DPP10: variants seen among roughly 807,000 people sequenced by gnomAD.
The protein encoded by DPP10 is inactive dipeptidyl peptidase 10.
Under a neutral mutation model 120.9 loss-of-function variants are expected in DPP10, and 33 were observed. The ratio of observed to expected loss-of-function variants is 0.27; its 90% CI spans 0.21 to 0.37. The LOEUF (loss-of-function observed/expected upper bound fraction) is 0.37. Ranked by LOEUF, DPP10 falls within the 10% of genes least tolerant of loss-of-function variation. The pLI is 1.00. For missense variants in DPP10, 816 were observed against 942.8 expected, an observed-to-expected ratio of 0.87 and a Z score of 1.76; for synonymous variants, 337 against 326.1, an observed-to-expected ratio of 1.03 and a Z score of -0.36.
At chr2:114,782,555 A>G (rs1235332632) in intron 1 of DPP10, among the ~76,000 whole-genome samples, 2 of 151,944 alleles carry the variant, frequency 1.3e-5, no homozygotes, top group East Asian at 1.9e-4. Context: ...ATATTGACCT[A>G]TTTCTGAGAA....
intron 5 of DPP10, among the ~76,000 whole-genome samples, chr2:115,528,979 T>A (rs907987096): frequency 6.6e-6 from 1 of 152,100 alleles, no homozygotes; most frequent in South Asian, 2.1e-4. Context: ...TTGACCTGGT[T>A]GTTTACTTGA....
intron 5 of DPP10, among the ~76,000 whole-genome samples, chr2:115,648,919 T>C (rs932912089): frequency 6.6e-6 from 1 of 151,760 alleles, no homozygotes; most frequent in Admixed American, 6.6e-5. Flanking sequence ...ATTAATGGAG[T>C]AGGGACACCA....
chr2:114,795,780 AG>A (rs1423459414), intron 1 of DPP10, among the ~76,000 whole-genome samples: 2 of 152,232 alleles, frequency 1.3e-5, no homozygotes, highest in African/African-American at 4.8e-5. Flanking sequence ...AAATGTATGT[AG>A]ATACTAGTCT....
At chr2:114,699,404 C>T (rs1172697995) in intron 1 of DPP10, among the ~76,000 whole-genome samples, 1 of 152,086 alleles carries the variant, frequency 6.6e-6, no homozygotes, top group Non-Finnish European at 1.5e-5. Flanking sequence ...ACTTAAGAGA[C>T]TTTCACTTGA....
intron 1 of DPP10, chr2:114,835,479 C>T (rs1008567026): frequency 8.5e-5 from 13 of 152,254 alleles, no homozygotes; most frequent in African/African-American, 1.4e-4. Flanking sequence ...TTTTCTATCA[C>T]GTTCGTTTTT....
At chr2:115,307,576 T>C (rs1375928516) in intron 1 of DPP10, among the ~76,000 whole-genome samples, 1 of 152,110 alleles carries the variant, frequency 6.6e-6, no homozygotes, top group Non-Finnish European at 1.5e-5. Flanking sequence ...TCTCAGTTCT[T>C]GAGATGAGTA....
At chr2:115,644,044 C>T (rs980535273) in intron 5 of DPP10, among the ~76,000 whole-genome samples, 1 of 152,124 alleles carries the variant, frequency 6.6e-6, no homozygotes, top group African/African-American at 2.4e-5. Context: ...TCATCTGAGC[C>T]ACTGAACATT....
chr2:115,134,795 T>C (rs571281242), intron 1 of DPP10, among the ~76,000 whole-genome samples: 2 of 152,224 alleles, frequency 1.3e-5, no homozygotes, highest in South Asian at 4.1e-4. Context: ...TTGTATTATA[T>C]TACGTTTTGC....
At chr2:115,224,640 A>G (rs1348648361) in intron 1 of DPP10, among the ~76,000 whole-genome samples, 2 of 152,222 alleles carry the variant, frequency 1.3e-5, no homozygotes, top group Non-Finnish European at 2.9e-5. Flanking sequence ...TGTATTATAT[A>G]TTTGAAAATC....
intron 5 of DPP10, among the ~76,000 whole-genome samples, chr2:115,563,943 A>G (rs886913002): frequency 2.0e-5 from 3 of 152,218 alleles, no homozygotes; most frequent in East Asian, 1.9e-4. Flanking sequence ...TAAGATTGAC[A>G]TGCAATATAT....
chr2:114,770,114 G>A (rs377142787), intron 1 of DPP10, among the ~76,000 whole-genome samples: 1 of 152,058 alleles, frequency 6.6e-6, no homozygotes, highest in East Asian at 1.9e-4. Flanking sequence ...GATTCTAAAA[G>A]ACAAAGAGAA....
intron 1 of DPP10, among the ~76,000 whole-genome samples, chr2:114,851,531 T>C (rs962865964): frequency 1.3e-5 from 2 of 152,192 alleles, no homozygotes; most frequent in African/African-American, 4.8e-5. Context: ...GGCACTGTGC[T>C]AGACTTTAGA....
At chr2:115,349,950 C>T (rs1219421798) in intron 3 of DPP10, among the ~76,000 whole-genome samples, 4 of 151,954 alleles carry the variant, frequency 2.6e-5, no homozygotes, top group Admixed American at 2.0e-4. Flanking sequence ...TTTGTATCTT[C>T]GTGACCAAAG....
intron 1 of DPP10, among the ~76,000 whole-genome samples, chr2:114,898,967 C>A (rs1404809195): frequency 6.6e-6 from 1 of 152,040 alleles, no homozygotes; most frequent in Non-Finnish European, 1.5e-5. Flanking sequence ...GGACTAGAAT[C>A]TTAATACAGT....
rs1423911819 is a variant in DPP10, at chr2:115,486,123, A to G, written c.272-13387A>G. On this transcript the variant is annotated intron_variant, in intron 3 of 25. Transcript: ENST00000410059. ...TTCCACAGTGGATTTATATTATTTT[A>G]AAATCGGAAAATATAAAAAATTATT... 2.0e-5 allele frequency among the ~76,000 whole-genome samples: 3 copies of G among 152,144 alleles called. No homozygotes were observed. The East Asian group carries it at 5.8e-4, about 29-fold the overall frequency.
At chr2:115,799,619 GTTCCCC>G (rs1403268416) in intron 19 of DPP10, among the ~76,000 whole-genome samples, 23 of 125,228 alleles carry the variant, frequency 1.8e-4, no homozygotes, top group African/African-American at 7.2e-4. Flanking sequence ...GGTGTGTGAT[GTTCCCC>G]TTCCTGTGTC....
intron 1 of DPP10, among the ~76,000 whole-genome samples, chr2:114,936,622 G>A (rs1432871127): frequency 6.6e-6 from 1 of 152,002 alleles, no homozygotes; most frequent in Non-Finnish European, 1.5e-5. Flanking sequence ...TGGGATTGCT[G>A]GATCAGACGG....
intron 5 of DPP10, among the ~76,000 whole-genome samples, chr2:115,642,260 T>C (rs2086845293): frequency 1.3e-5 from 2 of 151,948 alleles, no homozygotes; most frequent in Non-Finnish European, 2.9e-5. Flanking sequence ...TGCCCAGATA[T>C]TTGGTCAAAC....
intron 1 of DPP10, among the ~76,000 whole-genome samples, chr2:114,666,217 A>T (rs1422140826): frequency 6.6e-6 from 1 of 152,212 alleles, no homozygotes; most frequent in Non-Finnish European, 1.5e-5. Context: ...CACTGTTTTA[A>T]TGAGTAGATG....
Sources: allele counts gnomAD v4.1 joint callset (sites outside exome capture counted in the v4.1 genomes callset), GRCh38; gene constraint gnomAD v4.1.1; transcripts MANE v1.5; gene names NCBI Gene and HGNC (gene_info 2026-07-23, HGNC 2026-07-21).